Variants in SKAP1 observed in about 807,000 individuals in gnomAD.
SKAP1 encodes the protein src kinase associated phosphoprotein 1.
Under a neutral mutation model 58.5 loss-of-function variants are expected in SKAP1, and 44 were observed. The ratio of observed to expected loss-of-function variants is 0.75; its 90% confidence interval spans 0.59 to 0.97. The LOEUF (loss-of-function observed/expected upper bound fraction) is 0.97. Among genes scored for constraint, SKAP1 ranks in the 50% least tolerant of loss-of-function variants. The probability of loss-of-function intolerance (pLI) is 0.00; values close to 1 mark genes in which losing one functional copy is unlikely to be tolerated. For synonymous variants in SKAP1, 127 were observed against 149.7 expected, an observed-to-expected ratio of 0.85 and a Z score of 1.11; for missense variants, 390 against 435.2, an observed-to-expected ratio of 0.90 and a Z score of 0.92.
chr17:48,326,009 A>G (rs1312828649), intron 4 of SKAP1, among the ~76,000 whole-genome samples: 1 of 152,232 alleles, frequency 6.6e-6, no homozygotes, highest in East Asian at 1.9e-4. Flanking sequence ...TCAAAAATGT[A>G]CACACACATC....
At position 48,399,262 on chromosome 17, in the gene SKAP1, T is replaced by C. The variant is rs570166016; in HGVS notation, c.47-2477A>G. Reference sequence around the variant, plus strand: ...AATTAAAAGGCAAAAATAAATGACATCTAAGATTCAATTTATGTAATATAT... The same window carrying C: ...AATTAAAAGGCAAAAATAAATGACACCTAAGATTCAATTTATGTAATATAT... On this transcript the variant is annotated intron_variant, in intron 1 of 12. Coordinates refer to ENST00000336915, the MANE Select transcript of SKAP1 (RefSeq NM_003726.4). Among the ~76,000 whole-genome samples the C allele has an allele frequency of 1.1e-4, 17 of 152,096 alleles. No homozygotes were observed. In the South Asian group the frequency reaches 2.7e-3, roughly 24 times the overall value.
At chr17:48,161,589 G>A (rs117849736) in intron 11 of SKAP1, among the ~76,000 whole-genome samples, 2,814 of 152,116 alleles carry the variant, frequency 0.018, 38 homozygotes, top group Non-Finnish European at 0.029. Flanking sequence ...GTTTGTTTAC[G>A]GTCAACACTA....
chr17:48,134,772 C>T (rs1307541911), intron 12 of SKAP1, among the ~76,000 whole-genome samples: 2 of 151,914 alleles, frequency 1.3e-5, no homozygotes, highest in African/African-American at 2.4e-5. Flanking sequence ...GGCGCGATCT[C>T]GGCTCACTGC....
At chr17:48,162,864 G>A (rs1219077926) in intron 10 of SKAP1, among the ~76,000 whole-genome samples, 1 of 152,140 alleles carries the variant, frequency 6.6e-6, no homozygotes, top group Non-Finnish European at 1.5e-5. Context: ...TTTTTCACTT[G>A]GTTTGTAAGT....
Position 48,212,629 on chromosome 17 carries a change from C to A in SKAP1, c.281-23129G>T, listed in dbSNP as rs574708540. Among the ~76,000 whole-genome samples, 192 of 152,324 alleles carry A rather than the reference C, an allele frequency of 1.3e-3. 3 individuals are homozygous for A. The highest frequency in any genetic ancestry group is 0.011 in the South Asian group (54 of 4,820). On this transcript the variant is annotated intron_variant, in intron 4 of 12. Coordinates refer to ENST00000336915, the MANE Select transcript of SKAP1 (RefSeq NM_003726.4). The stretch of plus-strand genomic sequence containing the variant: ...AAGTGCTTGAGGGTTACAGATAATG[C>A]TGTTCTAGATGCATGTGGTATAAAA...
intron 2 of SKAP1, among the ~76,000 whole-genome samples, chr17:48,374,466 ACAGACTGCAAAGGCTAACACTGAAG>A (rs1409635679): frequency 6.6e-6 from 1 of 152,188 alleles, no homozygotes; most frequent in Non-Finnish European, 1.5e-5. Context: ...CTGTCTCCAA[ACAGACTGCAAAGGCTAACACTGAAG>A]AGTTATCCTG....
intron 4 of SKAP1, among the ~76,000 whole-genome samples, chr17:48,324,573 A>T (rs144871338): frequency 2.0e-5 from 3 of 152,202 alleles, no homozygotes; most frequent in Non-Finnish European, 2.9e-5. Flanking sequence ...TCACTTAACA[A>T]TTAACATCTT....
At chr17:48,402,759 G>A (rs968339159) in intron 1 of SKAP1, among the ~76,000 whole-genome samples, 8 of 152,218 alleles carry the variant, frequency 5.3e-5, no homozygotes, top group African/African-American at 1.7e-4. Flanking sequence ...ATGCTGATAT[G>A]TGCTACAACA....
intron 8 of SKAP1, among the ~76,000 whole-genome samples, chr17:48,180,959 G>T (rs1466062995): frequency 6.6e-6 from 1 of 152,064 alleles, no homozygotes; most frequent in Admixed American, 6.6e-5. Context: ...AGGGAGATTG[G>T]TTTTTTATTT....
chr17:48,388,130 A>G (rs527359033), intron 2 of SKAP1, among the ~76,000 whole-genome samples: 211 of 152,248 alleles, frequency 1.4e-3, no homozygotes, highest in Non-Finnish European at 2.5e-3. Flanking sequence ...CCAATCAAAT[A>G]TTTTTTATAA....
intron 3 of SKAP1, among the ~76,000 whole-genome samples, chr17:48,358,054 G>C (rs1190751546): frequency 6.6e-6 from 1 of 152,146 alleles, no homozygotes; most frequent in Admixed American, 6.5e-5. Context: ...AAGTAGTATA[G>C]GTTGAGATAG....
intron 4 of SKAP1, among the ~76,000 whole-genome samples, chr17:48,327,993 C>T (rs969489545): frequency 9.2e-5 from 14 of 152,164 alleles, no homozygotes; most frequent in African/African-American, 2.9e-4. Flanking sequence ...CAGCTCACTG[C>T]GATGTCCATA....
chr17:48,232,241 G>A (rs2065133589), intron 4 of SKAP1, among the ~76,000 whole-genome samples: 1 of 152,236 alleles, frequency 6.6e-6, no homozygotes, highest in African/African-American at 2.4e-5. Context: ...TGTATGCCAG[G>A]TTGGGCACCA....
intron 4 of SKAP1, among the ~76,000 whole-genome samples, chr17:48,290,947 C>T (rs959308793): frequency 6.6e-6 from 1 of 151,982 alleles, no homozygotes; most frequent in Non-Finnish European, 1.5e-5. Context: ...TTGAGACCAG[C>T]CTGGGCAACA....
chr17:48,412,207 T>C (rs1055554911), intron 1 of SKAP1, among the ~76,000 whole-genome samples: 1 of 152,186 alleles, frequency 6.6e-6, no homozygotes, highest in Non-Finnish European at 1.5e-5. Context: ...AAAAAAAAGA[T>C]AGGGTTCAAT....
At chr17:48,379,999 C>T (rs2067195953) in intron 2 of SKAP1, among the ~76,000 whole-genome samples, 1 of 152,082 alleles carries the variant, frequency 6.6e-6, no homozygotes, top group Non-Finnish European at 1.5e-5. Flanking sequence ...TCATTCTTAC[C>T]CATTTACTAC....
At chr17:48,278,509 CAGATGTGTTAATT>C (rs896968535) in intron 4 of SKAP1, among the ~76,000 whole-genome samples, 2 of 152,078 alleles carry the variant, frequency 1.3e-5, no homozygotes, top group African/African-American at 4.8e-5. Flanking sequence ...TGAAGTCTTC[CAGATGTGTTAATT>C]ATGTTGAACC....
At chr17:48,206,806 CT>C (rs2064815904) in intron 4 of SKAP1, among the ~76,000 whole-genome samples, 1 of 151,990 alleles carries the variant, frequency 6.6e-6, no homozygotes, top group Non-Finnish European at 1.5e-5. Context: ...AGGGTGACTG[CT>C]TGTAGTATTA....
intron 3 of SKAP1, among the ~76,000 whole-genome samples, chr17:48,351,650 G>C (rs1598602972): frequency 6.6e-6 from 1 of 152,070 alleles, no homozygotes; most frequent in Non-Finnish European, 1.5e-5. Context: ...TAAGACTACA[G>C]TTTTTAGCTT....
Sources: allele counts gnomAD v4.1 joint callset (sites outside exome capture counted in the v4.1 genomes callset), GRCh38; gene constraint gnomAD v4.1.1; transcripts MANE v1.5; gene names NCBI Gene and HGNC (gene_info 2026-07-23, HGNC 2026-07-21).